UNC5D: variants seen among roughly 807,000 people sequenced by gnomAD.
UNC5D encodes unc-5 netrin receptor D.
In UNC5D, 39 loss-of-function variants were observed where a neutral mutation model predicts 105.4. The observed-to-expected ratio is 0.37, with a 90% CI of 0.29 to 0.48. The LOEUF is 0.48. UNC5D is among the 20% of genes least tolerant of loss of function. The pLI is 0.98. For missense variants in UNC5D, 991 were observed against 1,202.4 expected, an observed-to-expected ratio of 0.82 and a Z score of 2.60; for synonymous variants, 452 against 450.4, an observed-to-expected ratio of 1.00 and a Z score of -0.04.
At chr8:35,582,315 G>A (rs1266590444) in intron 3 of UNC5D, among the ~76,000 whole-genome samples, 1 of 152,254 alleles carries the variant, frequency 6.6e-6, no homozygotes, top group East Asian at 1.9e-4. Context: ...TCTTCCTGAT[G>A]CAGTGGTTGC....
chr8:35,538,395 T>TTTTA (rs1491227026), intron 1 of UNC5D, among the ~76,000 whole-genome samples: 225 of 82,352 alleles, frequency 2.7e-3, no homozygotes, highest in African/African-American at 7.8e-3. Context: ...AAAAAAATAA[T>TTTTA]TATATATATA....
intron 1 of UNC5D, among the ~76,000 whole-genome samples, chr8:35,421,356 A>C (rs1805886898): frequency 6.6e-6 from 1 of 152,168 alleles, no homozygotes. Context: ...GACCTCACCT[A>C]ACGCCTGTAT....
At chr8:35,789,174 T>TC (rs1802907168) in intron 16 of UNC5D, among the ~76,000 whole-genome samples, 1 of 93,952 alleles carries the variant, frequency 1.1e-5, no homozygotes, top group South Asian at 3.3e-4. Flanking sequence ...TATATATATA[T>TC]ATATATATAT....
chr8:35,677,411 TTA>T (rs1825319425), intron 4 of UNC5D, among the ~76,000 whole-genome samples: 1 of 152,268 alleles, frequency 6.6e-6, no homozygotes, highest in East Asian at 1.9e-4. Context: ...CTTCACTGAT[TTA>T]TGTTACCTCC....
At chr8:35,614,160 T>A (rs1400581110) in intron 4 of UNC5D, among the ~76,000 whole-genome samples, 1 of 152,218 alleles carries the variant, frequency 6.6e-6, no homozygotes, top group Non-Finnish European at 1.5e-5. Context: ...AGCGAGAAGC[T>A]CTTTACCCTT....
At chr8:35,364,731 G>T (rs1040000426) in intron 1 of UNC5D, among the ~76,000 whole-genome samples, 2 of 151,912 alleles carry the variant, frequency 1.3e-5, no homozygotes, top group South Asian at 4.2e-4. Flanking sequence ...CAAGTTTATC[G>T]CAGTACCTCT....
chr8:35,371,369 C>T (rs1269016062), intron 1 of UNC5D, among the ~76,000 whole-genome samples: 3 of 152,152 alleles, frequency 2.0e-5, no homozygotes, highest in African/African-American at 7.2e-5. Context: ...TACTTCCAGG[C>T]CAAGACGACT....
chr8:35,571,009 TA>T (rs1249095638), intron 3 of UNC5D, among the ~76,000 whole-genome samples: 1 of 151,784 alleles, frequency 6.6e-6, no homozygotes, highest in African/African-American at 2.4e-5. Flanking sequence ...TATATGGACT[TA>T]AAATATATAT....
intron 1 of UNC5D, among the ~76,000 whole-genome samples, chr8:35,523,377 C>T (rs1482272243): frequency 6.6e-6 from 1 of 152,046 alleles, no homozygotes; most frequent in East Asian, 1.9e-4. Context: ...GCCACCATGC[C>T]TGGCCTGTTG....
intron 14 of UNC5D, among the ~76,000 whole-genome samples, chr8:35,763,061 T>C (rs1801613635): frequency 2.6e-5 from 4 of 152,214 alleles, no homozygotes; most frequent in Non-Finnish European, 4.4e-5. Flanking sequence ...GTTTTTTGTT[T>C]TTGTTTTTTG....
intron 1 of UNC5D, among the ~76,000 whole-genome samples, chr8:35,396,242 A>G (rs1804093640): frequency 6.6e-6 from 1 of 152,098 alleles, no homozygotes; most frequent in Non-Finnish European, 1.5e-5. Context: ...AGGAGCACTC[A>G]TAGGACTCAG....
At position 35,766,950 on chromosome 8, in the gene UNC5D, T is replaced by C; in HGVS notation, c.2362T>C (p.Cys788Arg). 1 of 1,614,116 alleles carries C rather than the reference T, an allele frequency of 6.2e-7. No homozygotes were observed. Among genetic ancestry groups the C allele is most frequent in the Non-Finnish European group, 8.5e-7 (1 of 1,179,972 alleles). The change falls in exon 15 of 17, where the codon TGT becomes CGT. Residue 788 changes from cysteine to arginine, a missense_variant. By Grantham distance (180) the Cys-to-Arg change is radical. Around this residue, in one of 3 missense-constraint regions of UNC5D, gnomAD observed 944 missense variants for 1,131.6 expected, o/e 0.83. Transcript: ENST00000404895. ...VWCSNRQPLHCAFSLERYTPT... is the reference protein window; with the variant it reads ...VWCSNRQPLHRAFSLERYTPT... ...GTGCAGTAACCGGCAGCCCCTGCAC[T>C]GTGCCTTCTCCCTGGAGCGTTATAC... is the stretch of plus-strand genomic sequence containing the variant.
At chr8:35,710,941 T>TCTG (rs1827903344) in intron 8 of UNC5D, among the ~76,000 whole-genome samples, 19 of 123,768 alleles carry the variant, frequency 1.5e-4, no homozygotes, top group East Asian at 9.5e-4. Context: ...ATTCTTTTTT[T>TCTG]TTTTTTTTTT....
chr8:35,235,991 G>A (rs975448561), intron 1 of UNC5D, 104 bp downstream of exon 1: 127 of 1,018,994 alleles, frequency 1.2e-4, no homozygotes, highest in Admixed American at 7.8e-4. Flanking sequence ...CTTGCGCCCT[G>A]CACCTCGGCG....
At chr8:35,756,564 A>G (rs1041949732) in intron 13 of UNC5D, among the ~76,000 whole-genome samples, 9 of 150,306 alleles carry the variant, frequency 6.0e-5, no homozygotes, top group South Asian at 4.2e-4. Context: ...AAAAAAAAAA[A>G]AAAGAAAAAA....
intron 1 of UNC5D, among the ~76,000 whole-genome samples, chr8:35,334,535 G>A (rs1349681893): frequency 1.4e-5 from 2 of 144,084 alleles, no homozygotes; most frequent in Admixed American, 7.0e-5. Context: ...TTTTTGAGAT[G>A]GAGTTTTGCT....
At chr8:35,252,903 C>A (rs1803808903) in intron 1 of UNC5D, among the ~76,000 whole-genome samples, 1 of 152,080 alleles carries the variant, frequency 6.6e-6, no homozygotes, top group Non-Finnish European at 1.5e-5. Context: ...CTAGTGATTT[C>A]CAGTCATTTA....
intron 4 of UNC5D, among the ~76,000 whole-genome samples, chr8:35,652,471 T>C (rs773770183): frequency 5.3e-5 from 8 of 152,156 alleles, no homozygotes; most frequent in Admixed American, 1.3e-4. Flanking sequence ...AAAACAGTTA[T>C]AGGGAACTTC....
Position 35,722,220 on chromosome 8 carries a change from T to C in UNC5D, c.1128T>C (p.Asn376=), listed in dbSNP as rs772859598. 6.2e-7 allele frequency: 1 copy of C among 1,613,638 alleles called. No homozygotes were observed. Among genetic ancestry groups the C allele is most frequent in the Non-Finnish European group, 8.5e-7 (1 of 1,179,880 alleles). Residue 376 remains asparagine, a synonymous_variant, in exon 9 of 17, where the codon AAT becomes AAC. Coordinates refer to ENST00000404895, the MANE Select transcript of UNC5D (RefSeq NM_080872.4). ...LHEIKPQSIE[N]ASDIALYSGL... ...TCTTGTGTCTTTCAGGCATTGAGAATGCCAGCGACATTGCTTTGTACTCGG... is the reference window on the plus strand; with the variant it reads ...TCTTGTGTCTTTCAGGCATTGAGAACGCCAGCGACATTGCTTTGTACTCGG...
Sources: allele counts gnomAD v4.1 joint callset (sites outside exome capture counted in the v4.1 genomes callset), GRCh38; gene constraint gnomAD v4.1.1; regional missense constraint gnomAD v4.1.1; transcripts MANE v1.5; gene names NCBI Gene and HGNC (gene_info 2026-07-23, HGNC 2026-07-21).